Variants in GARRE1 observed in about 807,000 individuals in gnomAD.
GARRE1 encodes the protein granule associated Rac and RHOG effector 1, also known as granule associated Rac and RHOG effector protein 1.
Under a neutral mutation model 103.2 loss-of-function variants are expected in GARRE1, and 49 were observed. The ratio of observed to expected loss-of-function variants is 0.47; its 90% CI spans 0.38 to 0.60. The LOEUF (loss-of-function observed/expected upper bound fraction) is 0.60. Among genes scored for constraint, GARRE1 ranks in the 20% least tolerant of loss-of-function variants. The probability of loss-of-function intolerance (pLI) is 0.00; values close to 1 mark genes in which losing one functional copy is unlikely to be tolerated. For synonymous variants in GARRE1, 505 were observed against 532.8 expected (o/e 0.95, Z 0.72); for missense variants, 1,199 against 1,370.5 (o/e 0.87, Z 1.98).
chr19:34,315,232 G>A (rs1374195353), intron 2 of GARRE1, among the ~76,000 whole-genome samples: 1 of 152,190 alleles, frequency 6.6e-6, no homozygotes, highest in East Asian at 1.9e-4. Flanking sequence ...GTATTGATGT[G>A]AAAATCACAC....
chr19:34,285,234 A>C, intron 1 of GARRE1: 1 of 152,184 alleles, frequency 6.6e-6, no homozygotes, highest in Admixed American at 6.6e-5. Flanking sequence ...GTATTTTGTC[A>C]GGGGATATTA....
intron 2 of GARRE1, among the ~76,000 whole-genome samples, chr19:34,302,783 C>T (rs1599764090): frequency 7.0e-6 from 1 of 141,914 alleles, no homozygotes; most frequent in Non-Finnish European, 1.5e-5. Flanking sequence ...CTCTCTCTGT[C>T]GCCCAAGCTG....
intron 1 of GARRE1, among the ~76,000 whole-genome samples, chr19:34,254,820 C>T (rs1236413661): frequency 1.3e-5 from 2 of 149,694 alleles, no homozygotes; most frequent in African/African-American, 2.4e-5. Context: ...TTTGCGGGCG[C>T]TGGCCGGCCG....
chr19:34,300,804 T>C lies in GARRE1; in HGVS notation c.331T>C (p.Ser111Pro), dbSNP rs1281705895. 6.2e-7 allele frequency: 1 copy of C among 1,614,196 alleles called. No homozygotes were observed. The highest frequency in any genetic ancestry group is 1.7e-5 in the Admixed American group (1 of 60,018). The change falls in exon 2 of 14, where the codon TCA (serine) becomes CCA (proline). Residue 111 changes from serine to proline, a missense_variant. By Grantham distance (74) the Ser-to-Pro change is moderately conservative. Coordinates refer to ENST00000299505, the MANE Select transcript of GARRE1 (RefSeq NM_014686.5). ...CACTGTGTTCAGGAACTCTCACTACTCAAAGGCAGCCACACAGCTCAAAGA... is the reference window on the plus strand; with the variant it reads ...CACTGTGTTCAGGAACTCTCACTACCCAAAGGCAGCCACACAGCTCAAAGA... ...FSTVFRNSHY[S>P]KAATQLKDVQ...
At chr19:34,307,360 T>A (rs1312848038) in intron 2 of GARRE1, among the ~76,000 whole-genome samples, 2 of 152,058 alleles carry the variant, frequency 1.3e-5, no homozygotes, top group Non-Finnish European at 2.9e-5. Context: ...TTGAGAGGTG[T>A]TGGTCCTCTA....
At chr19:34,282,746 G>A (rs2073863098) in intron 1 of GARRE1, among the ~76,000 whole-genome samples, 1 of 152,290 alleles carries the variant, frequency 6.6e-6, no homozygotes, top group East Asian at 1.9e-4. Flanking sequence ...GATGAAATCA[G>A]GTTGATTAAC....
Position 34,355,401 on chromosome 19 carries a change from T to C in GARRE1, c.*2446T>C, listed in dbSNP as rs1005883825. ...GCGCATGTGTGTGCATGTGTGAACG[T>C]GTGTGTCCTTTGCATGGTTGGGCGT... On this transcript the variant is annotated 3_prime_UTR_variant, in exon 14 of 14. Coordinates refer to ENST00000299505, the MANE Select transcript of GARRE1 (RefSeq NM_014686.5). The C allele has an allele frequency of 1.3e-5, 2 of 152,654 alleles. No individual in the cohort carries two copies. The highest frequency in any genetic ancestry group is 2.4e-5 in the African/African-American group (1 of 41,464). 9.5% of individuals were successfully genotyped at this position (152,654 alleles called of 1,614,324 possible).
intron 7 of GARRE1, 109 bp downstream of exon 7, chr19:34,330,456 T>C (rs1418500315): frequency 8.6e-6 from 10 of 1,157,410 alleles, no homozygotes; most frequent in East Asian, 2.5e-5. Flanking sequence ...TAAAAAGTTA[T>C]TTGGTGCTGT....
In GARRE1 at chr19:34,326,593, G is replaced by A. The variant is rs16969190; in HGVS notation, c.706-828G>A. Among the ~76,000 whole-genome samples the A allele has an allele frequency of 9.8e-3, 1,484 of 151,718 alleles. 23 individuals are homozygous for A. Among genetic ancestry groups the A allele is most frequent in the African/African-American group, 0.035 (1,443 of 41,388 alleles). ...TTTCTGTGCAGATTTCAAAAGCTCT[G>A]TTTTTCTGTTAATATGCCAATGTAT... is the stretch of plus-strand genomic sequence containing the variant. On this transcript the variant is annotated intron_variant, in intron 3 of 13. Coordinates refer to ENST00000299505, the MANE Select transcript of GARRE1 (RefSeq NM_014686.5).
intron 3 of GARRE1, among the ~76,000 whole-genome samples, chr19:34,320,925 G>A (rs1203605391): frequency 3.7e-5 from 5 of 133,730 alleles, no homozygotes; most frequent in Non-Finnish European, 7.8e-5. Flanking sequence ...TTTTTTTTTG[G>A]TAGAGATGAA....
At chr19:34,308,674 CCTTTGA>C (rs1356617355) in intron 2 of GARRE1, among the ~76,000 whole-genome samples, 28 of 152,248 alleles carry the variant, frequency 1.8e-4, no homozygotes, top group African/African-American at 6.7e-4. Flanking sequence ...GGGACTGGAC[CCTTTGA>C]CTTTGATTTG....
In GARRE1 at chr19:34,328,712, A is replaced by G. The variant is rs1302241856; in HGVS notation, c.1104+561A>G. ...AACCTTCACCTCCTGGGTTCAAGCA[A>G]TCCTCCTGCCTCACCCTCCCAAGTA... On this transcript the variant is annotated intron_variant, in intron 6 of 13. Transcript: ENST00000299505. Among the ~76,000 whole-genome samples, 10 of 151,832 alleles carry G rather than the reference A, an allele frequency of 6.6e-5. 1 individual carries two copies. The highest frequency in any genetic ancestry group is 6.6e-4 in the Admixed American group (10 of 15,244).
At position 34,312,112 on chromosome 19, in the gene GARRE1, G is replaced by A. The variant is rs568752204; in HGVS notation, c.496-7795G>A. 2.0e-5 allele frequency among the ~76,000 whole-genome samples: 3 copies of A among 152,094 alleles called. No individual in the cohort carries two copies. The East Asian group carries it at 5.8e-4, about 29-fold the overall frequency. On this transcript the variant is annotated intron_variant, in intron 2 of 13. Transcript: ENST00000299505. The stretch of plus-strand genomic sequence containing the variant: ...ATTACAGGTGTGAGCCACCATGCCT[G>A]GCCTGTTTCTGTTTTTGTTTTTGTT...
rs901710124 is a variant in GARRE1, at chr19:34,327,422, C to T, written c.707C>T (p.Ala236Val). The T allele has an allele frequency of 1.1e-5, 17 of 1,613,748 alleles. No individual in the cohort carries two copies. The highest frequency in any genetic ancestry group is 3.3e-5 in the Admixed American group (2 of 59,992). Residue 236 changes from alanine to valine, a missense_variant and splice_region_variant, in exon 4 of 14, where the codon GCG becomes GTG. Transcript: ENST00000299505. ...AVRSWRGAAE[A>V]TSRLRERGCD... ...TACCAGTTACTATATATGTTACAGG[C>T]GACATCTAGACTAAGAGAAAGAGGC...
In GARRE1 at chr19:34,296,571, T is replaced by G. The variant is rs1306218102; in HGVS notation, c.-795-3108T>G. The G allele has an allele frequency of 3.1e-6, 5 of 1,589,664 alleles. No homozygotes were observed. In the Admixed American group the frequency reaches 6.7e-5, roughly 21 times the overall value. On this transcript the variant is annotated intron_variant, in intron 1 of 13. Transcript: ENST00000299505. ...ACTCATGGCCTTGGCATTGTTGGCC[T>G]GCATCTTCTTGAGGCCCTTCTTGTG... is the stretch of plus-strand genomic sequence containing the variant.
intron 12 of GARRE1, 121 bp downstream of exon 12, chr19:34,349,274 C>T (rs1420847847): frequency 5.1e-6 from 5 of 985,650 alleles, no homozygotes; most frequent in South Asian, 4.6e-5. Flanking sequence ...AGAGGAGGGG[C>T]TCTTCCAGCA....
chr19:34,343,975 T>C (rs1029854515), intron 10 of GARRE1, among the ~76,000 whole-genome samples: 20 of 152,224 alleles, frequency 1.3e-4, no homozygotes, highest in Non-Finnish European at 2.4e-4. Context: ...GCGACTGTTA[T>C]CACCTGTAGC....
In GARRE1 at chr19:34,349,090, A is replaced by G. The variant is rs2145286616; in HGVS notation, c.2762A>G (p.Asn921Ser). The G allele has an allele frequency of 6.2e-7, 1 of 1,613,010 alleles. No individual in the cohort carries two copies. The highest frequency in any genetic ancestry group is 8.5e-7 in the Non-Finnish European group (1 of 1,180,028). ...TCGAGTGATGAGACATCCTCAGCCAACGGGGACAGCTTGTTCTCCATGTTT... is the reference window on the plus strand; with the variant it reads ...TCGAGTGATGAGACATCCTCAGCCAGCGGGGACAGCTTGTTCTCCATGTTT... ...ASSSDETSSA[N>S]GDSLFSMFSG... Residue 921 changes from asparagine (N) to serine (S), a missense_variant, in exon 12 of 14, where the codon AAC becomes AGC. By Grantham distance (46) the Asn-to-Ser change is conservative (BLOSUM62 1). Transcript: ENST00000299505.
chr19:34,290,602 A>G (rs912119472), intron 1 of GARRE1, among the ~76,000 whole-genome samples: 2 of 151,810 alleles, frequency 1.3e-5, no homozygotes, highest in African/African-American at 4.8e-5. Context: ...GGTTCAAATG[A>G]TGCTCCCACC....
Sources: gnomAD v4.1 joint callset for allele counts (sites outside exome capture counted in the v4.1 genomes callset) on GRCh38, gnomAD v4.1.1 for gene constraint, MANE v1.5 for transcripts, NCBI Gene and HGNC (gene_info 2026-07-23, HGNC 2026-07-21) for gene names.